The following CSMD1 variants were observed in gnomAD, a reference collection of about 807,000 sequenced individuals.
CSMD1 encodes the protein CUB and Sushi multiple domains 1, also known as CUB and sushi domain-containing protein 1.
Under a neutral mutation model 417.5 loss-of-function variants are expected in CSMD1, and 213 were observed. The ratio of observed to expected loss-of-function variants is 0.51; its 90% CI spans 0.46 to 0.57. The LOEUF is 0.57. CSMD1 is among the 20% of genes least tolerant of loss of function. The pLI is 0.00. For missense variants in CSMD1, 6,923 were observed against 4,529.7 expected (o/e 1.53, Z -15.17); for synonymous variants, 2,862 against 1,736.8 (o/e 1.65, Z -16.11).
At chr8:4,719,757 G>A (rs575878394) in intron 1 of CSMD1, among the ~76,000 whole-genome samples, 6 of 151,954 alleles carry the variant, frequency 3.9e-5, no homozygotes, top group African/African-American at 9.7e-5. Context: ...ATGCACTTAC[G>A]ATTTTCAAAG....
chr8:4,263,047 T>G (rs558203690), intron 3 of CSMD1, among the ~76,000 whole-genome samples: 80 of 152,314 alleles, frequency 5.3e-4, no homozygotes, highest in African/African-American at 1.7e-3. Flanking sequence ...TAGAACAGAA[T>G]TGTATTCTCT....
At chr8:3,541,136 C>G (rs1798419832) in intron 10 of CSMD1, among the ~76,000 whole-genome samples, 1 of 152,164 alleles carries the variant, frequency 6.6e-6, no homozygotes, top group African/African-American at 2.4e-5. Context: ...ACCCAAATGT[C>G]CATCAATGAC....
intron 7 of CSMD1, among the ~76,000 whole-genome samples, chr8:3,707,861 A>T (rs1034402865): frequency 1.3e-5 from 2 of 152,050 alleles, no homozygotes; most frequent in Non-Finnish European, 2.9e-5. Context: ...GGTGTGGGAG[A>T]CACCTTCATT....
At chr8:3,936,264 A>C (rs1584995856) in intron 5 of CSMD1, among the ~76,000 whole-genome samples, 1 of 152,292 alleles carries the variant, frequency 6.6e-6, no homozygotes, top group African/African-American at 2.4e-5. Context: ...ACAGCAAGTT[A>C]TCCAGAAGAT....
At chr8:4,672,547 C>A (rs1202090957) in intron 1 of CSMD1, among the ~76,000 whole-genome samples, 1 of 152,108 alleles carries the variant, frequency 6.6e-6, no homozygotes, top group African/African-American at 2.4e-5. Context: ...ATAATGTAAA[C>A]AACCAATCAC....
At chr8:3,738,886 T>C (rs17067268) in intron 6 of CSMD1, among the ~76,000 whole-genome samples, 141,951 of 152,232 alleles carry the variant, frequency 0.93, 67,013 homozygotes, top group Non-Finnish European at 1. Flanking sequence ...ATTTCATTCA[T>C]AGTCTCGAAA....
At chr8:4,181,491 T>C (rs997559016) in intron 3 of CSMD1, among the ~76,000 whole-genome samples, 3 of 152,124 alleles carry the variant, frequency 2.0e-5, no homozygotes, top group East Asian at 1.9e-4. Flanking sequence ...CGATAACTGA[T>C]GAGCTTTAAA....
intron 2 of CSMD1, among the ~76,000 whole-genome samples, chr8:4,553,661 A>C (rs1797968184): frequency 6.6e-6 from 1 of 152,210 alleles, no homozygotes; most frequent in Non-Finnish European, 1.5e-5. Flanking sequence ...TGAGATCATA[A>C]CTATCTTCAG....
intron 5 of CSMD1, among the ~76,000 whole-genome samples, chr8:3,860,441 T>G (rs1373342579): frequency 6.6e-6 from 1 of 152,204 alleles, no homozygotes; most frequent in Non-Finnish European, 1.5e-5. Flanking sequence ...AAAACTTTTT[T>G]TTCCTATTTG....
At chr8:4,056,795 T>C (rs897292327) in intron 3 of CSMD1, among the ~76,000 whole-genome samples, 8 of 152,172 alleles carry the variant, frequency 5.3e-5, no homozygotes, top group Non-Finnish European at 8.8e-5. Context: ...GTTTCGTTTT[T>C]TGTCCTTGTG....
intron 3 of CSMD1, among the ~76,000 whole-genome samples, chr8:4,185,753 T>C (rs181710750): frequency 2.0e-5 from 3 of 152,352 alleles, no homozygotes; most frequent in Admixed American, 2.0e-4. Context: ...GCTATCATTT[T>C]GAGATAAAAT....
At chr8:4,274,304 C>A (rs1375822744) in intron 3 of CSMD1, among the ~76,000 whole-genome samples, 1 of 152,054 alleles carries the variant, frequency 6.6e-6, no homozygotes, top group Non-Finnish European at 1.5e-5. Flanking sequence ...AAGTATCACC[C>A]AACTGGCATA....
intron 52 of CSMD1, among the ~76,000 whole-genome samples, chr8:3,003,235 G>A (rs1187532526): frequency 6.6e-6 from 1 of 152,156 alleles, no homozygotes; most frequent in Non-Finnish European, 1.5e-5. Flanking sequence ...GCATTAGGAG[G>A]AATTTGAACT....
At chr8:3,948,253 T>C (rs1289268262) in intron 5 of CSMD1, among the ~76,000 whole-genome samples, 1 of 152,168 alleles carries the variant, frequency 6.6e-6, no homozygotes, top group Non-Finnish European at 1.5e-5. Flanking sequence ...AGACATAGTA[T>C]GTGCTATATA....
At chr8:3,943,440 A>G (rs1811020264) in intron 5 of CSMD1, among the ~76,000 whole-genome samples, 1 of 148,758 alleles carries the variant, frequency 6.7e-6, no homozygotes, top group South Asian at 2.1e-4. Flanking sequence ...AAAAAAACAG[A>G]ATTCCAGCAA....
intron 37 of CSMD1, among the ~76,000 whole-genome samples, chr8:3,163,050 G>C (rs1448424543): frequency 2.6e-5 from 4 of 152,102 alleles, no homozygotes; most frequent in Admixed American, 2.6e-4. Flanking sequence ...AATTGATTTT[G>C]GTTTATCAAA....
intron 12 of CSMD1, among the ~76,000 whole-genome samples, chr8:3,415,918 T>C (rs968337857): frequency 2.6e-5 from 4 of 152,206 alleles, no homozygotes; most frequent in Admixed American, 2.0e-4. Flanking sequence ...AAAGAAGATT[T>C]TGAGTTGCAT....
intron 1 of CSMD1, among the ~76,000 whole-genome samples, chr8:4,878,143 C>G (rs543536698): frequency 6.6e-6 from 1 of 151,910 alleles, no homozygotes; most frequent in South Asian, 2.1e-4. Context: ...GAAGTGGAGT[C>G]TAAGAAAATT....
intron 2 of CSMD1, among the ~76,000 whole-genome samples, chr8:4,477,965 C>A (rs1800892464): frequency 6.6e-6 from 1 of 152,090 alleles, no homozygotes; most frequent in Admixed American, 6.6e-5. Flanking sequence ...TCATGCATTC[C>A]ATCCATTTCT....
Sources: gnomAD v4.1 joint callset for allele counts (sites outside exome capture counted in the v4.1 genomes callset) on GRCh38, gnomAD v4.1.1 for gene constraint, MANE v1.5 for transcripts, NCBI Gene and HGNC (gene_info 2026-07-23, HGNC 2026-07-21) for gene names.